Variants in UGGT1 observed in about 807,000 individuals in gnomAD.
The protein encoded by UGGT1 is UDP-glucose glycoprotein glucosyltransferase 1, also known as UDP-glucose:glycoprotein glucosyltransferase 1.
Under a neutral mutation model 203.9 loss-of-function variants are expected in UGGT1, and 107 were observed. The ratio of observed to expected loss-of-function variants is 0.52; its 90% CI spans 0.45 to 0.62. UGGT1 has a LOEUF of 0.62. UGGT1 is among the 20% of genes least tolerant of loss of function. The pLI is 0.00. For synonymous variants in UGGT1, 628 were observed against 653.5 expected (o/e 0.96, Z 0.59); for missense variants, 1,673 against 1,867.2 (o/e 0.90, Z 1.92).
intron 1 of UGGT1, among the ~76,000 whole-genome samples, chr2:128,095,577 C>G (rs1194556872): frequency 6.6e-6 from 1 of 151,930 alleles, no homozygotes; most frequent in African/African-American, 2.4e-5. Context: ...CAGCATGGAC[C>G]TCCTAGGCCC....
Position 128,109,701 on chromosome 2 carries a change from G to A in UGGT1, c.476G>A (p.Cys159Tyr). ...TTTTCAGTGCATGGAAAGAAGACTT[G>A]TGAATCTGATACCCTTGAGGCTCTT... ...SFFSVHGKKTCESDTLEALLL... is the reference protein window; with the variant it reads ...SFFSVHGKKTYESDTLEALLL... The change falls in exon 5 of 41, where the codon TGT (cysteine) becomes TAT (tyrosine). Residue 159 changes from cysteine (C) to tyrosine (Y), a missense_variant. By Grantham distance (194) the Cys-to-Tyr change is radical. This residue lies in a region of UGGT1 where 1,073 missense variants were observed against 1,078.7 expected (regional missense o/e 0.99). Coordinates refer to ENST00000259253, the MANE Select transcript of UGGT1 (RefSeq NM_020120.4). 6.2e-7 allele frequency: 1 copy of A among 1,614,148 alleles called. No homozygotes were observed. Among genetic ancestry groups the A allele is most frequent in the Non-Finnish European group, 8.5e-7 (1 of 1,180,000 alleles).
chr2:128,107,835 C>T (rs1573503544), intron 3 of UGGT1, 103 bp from the exon 4 acceptor site: 1 of 1,501,370 alleles, frequency 6.7e-7, no homozygotes, highest in Non-Finnish European at 9.0e-7. Context: ...GTAAAACTTG[C>T]CTTCACATAC....
chr2:128,158,008 A>C (rs1307323957), intron 22 of UGGT1, among the ~76,000 whole-genome samples: 1 of 149,462 alleles, frequency 6.7e-6, no homozygotes. Context: ...TTACTGAAAT[A>C]AAGAAATATC....
intron 8 of UGGT1, among the ~76,000 whole-genome samples, chr2:128,117,115 A>G (rs1042790055): frequency 3.9e-5 from 6 of 152,040 alleles, no homozygotes; most frequent in Non-Finnish European, 5.9e-5. Context: ...TTTGAGACAG[A>G]GTCTTGCTCT....
chr2:128,137,818 A>C (rs1331845396), intron 15 of UGGT1, among the ~76,000 whole-genome samples: 1 of 152,208 alleles, frequency 6.6e-6, no homozygotes, highest in African/African-American at 2.4e-5. Flanking sequence ...GTCCATTGAA[A>C]TGCCTTTGCC....
In UGGT1 at chr2:128,143,182, A is replaced by T. The variant is rs900911470; in HGVS notation, c.1808A>T (p.Asn603Ile). 1.9e-6 allele frequency: 3 copies of T among 1,613,468 alleles called. No homozygotes were observed. The African/African-American group carries it at 4.0e-5, about 22-fold the overall frequency. Residue 603 changes from asparagine to isoleucine, a missense_variant, in exon 17 of 41, where the codon AAT becomes ATT. Asn to Ile is a moderately radical substitution (Grantham distance 149). This residue lies in a region of UGGT1 where 1,073 missense variants were observed against 1,078.7 expected (regional missense o/e 0.99). Transcript: ENST00000259253. ...AAGAAATATCCGTATGTAGAAGTGA[A>T]TAGCATTTTGGGGATTGATTCTGCT... ...LEKKYPYVEV[N>I]SILGIDSAYD...
At chr2:128,092,883 C>T (rs1686933837) in intron 1 of UGGT1, among the ~76,000 whole-genome samples, 1 of 152,024 alleles carries the variant, frequency 6.6e-6, no homozygotes, top group Non-Finnish European at 1.5e-5. Context: ...CATCATGCCG[C>T]AAGTATAATG....
At position 128,100,436 on chromosome 2, in the gene UGGT1, C is replaced by T. The variant is rs188450937; in HGVS notation, c.194+2872C>T. Among the ~76,000 whole-genome samples, 657 of 151,846 alleles carry T rather than the reference C, an allele frequency of 4.3e-3. 6 individuals are homozygous for T. The highest frequency in any genetic ancestry group is 0.014 in the African/African-American group (562 of 41,398). The stretch of plus-strand genomic sequence containing the variant: ...ACATTCTTTTTTTGAGATGGAGTTT[C>T]GCTCTTGTTGCCCAGGCTGGAGTGC... On this transcript the variant is annotated intron_variant, in intron 2 of 40. Coordinates refer to ENST00000259253, the MANE Select transcript of UGGT1 (RefSeq NM_020120.4).
chr2:128,184,083 C>G (rs745494773), intron 38 of UGGT1, among the ~76,000 whole-genome samples: 9 of 152,070 alleles, frequency 5.9e-5, no homozygotes, highest in Non-Finnish European at 1.0e-4. Context: ...GTATTTTGTA[C>G]TCAAACTAAT....
At chr2:128,156,627 GGCTCACTGCAA>G (rs1690247250) in intron 21 of UGGT1, among the ~76,000 whole-genome samples, 1 of 147,428 alleles carries the variant, frequency 6.8e-6, no homozygotes, top group Non-Finnish European at 1.5e-5. Flanking sequence ...CCATGATCTC[GGCTCACTGCAA>G]GCTCCGCCTT....
chr2:128,188,308 T>A (rs917403631), intron 40 of UGGT1, among the ~76,000 whole-genome samples: 5 of 152,128 alleles, frequency 3.3e-5, no homozygotes, highest in African/African-American at 1.2e-4. Context: ...CCTCCCAAAG[T>A]GCTAGGATTA....
intron 18 of UGGT1, among the ~76,000 whole-genome samples, chr2:128,146,633 T>A (rs1461492627): frequency 6.6e-6 from 1 of 152,030 alleles, no homozygotes. Flanking sequence ...ACGGTACAAT[T>A]CAGTAGTTTT....
intron 18 of UGGT1, among the ~76,000 whole-genome samples, chr2:128,152,525 G>A (rs1690022036): frequency 6.6e-6 from 1 of 152,108 alleles, no homozygotes; most frequent in Admixed American, 6.6e-5. Flanking sequence ...TAACCTTTCT[G>A]TGCCTTAGCT....
chr2:128,174,785 C>T lies in UGGT1; in HGVS notation c.3466C>T (p.Leu1156=). 2 of 1,613,688 alleles carry T rather than the reference C, an allele frequency of 1.2e-6. No individual in the cohort carries two copies. The highest frequency in any genetic ancestry group is 1.7e-6 in the Non-Finnish European group (2 of 1,179,822). The change falls in exon 31 of 41, where the codon CTG becomes TTG. Residue 1156 remains leucine (L), a synonymous_variant. Transcript: ENST00000259253. ...CTTCTTGTCCTAGGGCTACTTTCAG[C>T]TGAAAGCCAACCCAGGAGCTTGGAT... is the stretch of plus-strand genomic sequence containing the variant. ...IVMANLGYFQ[L]KANPGAWILR...
rs1558843773 is a variant in UGGT1, at chr2:128,195,643, C to T, written c.*5901C>T. The stretch of plus-strand genomic sequence containing the variant: ...GGTACTGTAATGAAAATAAGGTCTG[C>T]TCAACACAGTAAACGTTTCCTCTCT... On this transcript the variant is annotated 3_prime_UTR_variant, in exon 41 of 41. Transcript: ENST00000259253. The T allele has an allele frequency of 6.6e-6, 1 of 152,180 alleles. No homozygotes were observed. Among genetic ancestry groups the T allele is most frequent in the Non-Finnish European group, 1.5e-5 (1 of 68,050 alleles). The allele number at this position is 152,180 out of a possible 1,614,324, so 9.4% of individuals were successfully genotyped here.
At chr2:128,154,856 C>T (rs1339313704) in intron 19 of UGGT1, among the ~76,000 whole-genome samples, 2 of 152,028 alleles carry the variant, frequency 1.3e-5, no homozygotes, top group East Asian at 1.9e-4. Flanking sequence ...AGAGAGTTTA[C>T]AGTACTAGGC....
intron 20 of UGGT1, among the ~76,000 whole-genome samples, chr2:128,156,073 G>A (rs1321485561): frequency 6.6e-6 from 1 of 152,108 alleles, no homozygotes; most frequent in African/African-American, 2.4e-5. Flanking sequence ...TGTCGCCCTC[G>A]GGTCAGTGCT....
Position 128,152,762 on chromosome 2 carries a change from ACCT to A in UGGT1, c.2017-18_2017-16del, listed in dbSNP as rs778672723. On this transcript the variant is annotated intron_variant, in intron 18 of 40. Coordinates refer to ENST00000259253, the MANE Select transcript of UGGT1 (RefSeq NM_020120.4). ...AAATTTGCTTTACCCTCCCCCCTCA[ACCT>A]CCTTTTTTTTTCTTGCAGGGTGAAC... The A allele has an allele frequency of 6.3e-6, 10 of 1,586,276 alleles. No homozygotes were observed. Among genetic ancestry groups the A allele is most frequent in the South Asian group, 2.3e-5 (2 of 86,138 alleles).
intron 3 of UGGT1, among the ~76,000 whole-genome samples, chr2:128,106,755 G>A (rs1169906149): frequency 6.6e-6 from 1 of 152,020 alleles, no homozygotes; most frequent in Non-Finnish European, 1.5e-5. Context: ...TCACCATGTT[G>A]GCCAGGCTGG....
Sources: allele counts gnomAD v4.1 joint callset (sites outside exome capture counted in the v4.1 genomes callset), GRCh38; gene constraint gnomAD v4.1.1; regional missense constraint gnomAD v4.1.1; transcripts MANE v1.5; gene names NCBI Gene and HGNC (gene_info 2026-07-23, HGNC 2026-07-21).